LAIR2: variants seen among roughly 807,000 people sequenced by gnomAD.
LAIR2 encodes the protein leukocyte-associated immunoglobulin-like receptor 2.
LAIR2 carries 14 observed loss-of-function variants against 14.8 expected under a neutral mutation model. The observed-to-expected ratio is 0.95, with a 90% CI of 0.62 to 1.48. LAIR2 has a LOEUF of 1.48. LAIR2 is among the 40% of genes most tolerant of loss of function. The probability of loss-of-function intolerance (pLI) is 0.00; values close to 1 mark genes in which losing one functional copy is unlikely to be tolerated. For synonymous variants in LAIR2, 75 were observed against 74.5 expected (o/e 1.01, Z -0.03); for missense variants, 172 against 180.9 (o/e 0.95, Z 0.28).
intron 3 of LAIR2, among the ~76,000 whole-genome samples, chr19:54,508,669 C>T (rs1406747793): frequency 6.6e-6 from 1 of 152,268 alleles, no homozygotes; most frequent in Non-Finnish European, 1.5e-5. Flanking sequence ...CGGGACAGTG[C>T]TTTGGGAAAA....
chr19:54,508,252 T>A (rs138578698), intron 3 of LAIR2, 68 bp downstream of exon 3: 1,465,989 of 1,508,332 alleles, frequency 0.97, 712,670 homozygotes, highest in East Asian at 1. Context: ...AGGTCCCTGG[T>A]CCCTGTCCCG....
intron 2 of LAIR2, among the ~76,000 whole-genome samples, chr19:54,504,455 A>T (rs895676656): frequency 1.3e-5 from 2 of 152,194 alleles, no homozygotes; most frequent in Admixed American, 6.5e-5. Context: ...AGTTATTATT[A>T]ACTATAGTCA....
Position 54,504,413 on chromosome 19 carries a change from A to AC in LAIR2, c.70+680dup, listed in dbSNP as rs1171875986. Among the ~76,000 whole-genome samples, 8 of 152,234 alleles carry AC rather than the reference A, an allele frequency of 5.3e-5. No homozygotes were observed. The East Asian group carries it at 1.5e-3, about 29-fold the overall frequency. On this transcript the variant is annotated intron_variant, in intron 2 of 4. Coordinates refer to ENST00000301202, the MANE Select transcript of LAIR2 (RefSeq NM_002288.6). The stretch of plus-strand genomic sequence containing the variant: ...ACTTATTGTGATGAGAACATTTAAA[A>AC]CCTACTTTTAGCAATTTTGAAATAT...
rs529009430 is a variant in LAIR2, at chr19:54,508,329, T to C, written c.364+145T>C. On this transcript the variant is annotated intron_variant, in intron 3 of 4. Coordinates refer to ENST00000301202, the MANE Select transcript of LAIR2 (RefSeq NM_002288.6). ...ACCCCAAGCCCTCCCCTCCCCTTCT[T>C]CCTCTGCACACACCTCCCCTCTGCC... 177 of 699,702 alleles carry C rather than the reference T, an allele frequency of 2.5e-4. 1 individual carries two copies. In the African/African-American group the frequency reaches 2.9e-3, roughly 11 times the overall value. 43.3% of individuals were successfully genotyped at this position (699,702 alleles called of 1,614,324 possible).
In LAIR2 at chr19:54,502,966, G is replaced by A. The variant is rs746500908; in HGVS notation, c.34+14G>A. On this transcript the variant is annotated intron_variant, in intron 1 of 4. Transcript: ENST00000301202. ...TCCTGGGCCTAGGTGAGTCCTGGAG[G>A]GAGCGGGAAGGACTGGAAAGGGGGT... 1.0e-5 allele frequency: 16 copies of A among 1,607,712 alleles called. No homozygotes were observed. Among genetic ancestry groups the A allele is most frequent in the Non-Finnish European group, 1.4e-5 (16 of 1,176,536 alleles).
intron 1 of LAIR2, among the ~76,000 whole-genome samples, chr19:54,503,433 G>C (rs919634665): frequency 1.4e-5 from 2 of 146,556 alleles, no homozygotes; most frequent in African/African-American, 5.1e-5. Context: ...ACTCTAGCGT[G>C]GGCGACAAGA....
chr19:54,505,464 G>A (rs11084346), intron 2 of LAIR2, among the ~76,000 whole-genome samples: 31,295 of 151,524 alleles, frequency 0.21, 3,260 homozygotes, highest in East Asian at 0.29. Context: ...GTGGCTCCCC[G>A]AGGCCGGCCT....
At chr19:54,504,365 A>G (rs1196822929) in intron 2 of LAIR2, among the ~76,000 whole-genome samples, 2 of 152,208 alleles carry the variant, frequency 1.3e-5, no homozygotes, top group African/African-American at 4.8e-5. Flanking sequence ...ATAAGGCTAA[A>G]TAACATATCA....
intron 2 of LAIR2, among the ~76,000 whole-genome samples, chr19:54,505,004 T>G (rs945804224): frequency 6.6e-6 from 1 of 152,244 alleles, no homozygotes; most frequent in Non-Finnish European, 1.5e-5. Flanking sequence ...TCCATGCTGT[T>G]GTGAATGACA....
intron 2 of LAIR2, among the ~76,000 whole-genome samples, chr19:54,505,821 A>ATT (rs11311344): frequency 1.0e-3 from 135 of 134,946 alleles, no homozygotes; most frequent in Admixed American, 1.7e-3. Context: ...TCACATGCTG[A>ATT]TTTTTTTTTT....
intron 2 of LAIR2, among the ~76,000 whole-genome samples, chr19:54,506,906 G>A (rs1235388899): frequency 3.3e-5 from 5 of 152,142 alleles, no homozygotes; most frequent in East Asian, 1.9e-4. Context: ...CTTGAAAATC[G>A]CTAAGAGGGC....
chr19:54,510,684 G>T lies in LAIR2; in HGVS notation c.*115G>T. ...ATATACAAATAAAAAGATACGATTCGCAATGGAGAATTTCAGACCTATCAT... is the reference window on the plus strand; with the variant it reads ...ATATACAAATAAAAAGATACGATTCTCAATGGAGAATTTCAGACCTATCAT... On this transcript the variant is annotated 3_prime_UTR_variant, in exon 5 of 5. Coordinates refer to ENST00000301202, the MANE Select transcript of LAIR2 (RefSeq NM_002288.6). 1.6e-6 allele frequency: 2 copies of T among 1,231,802 alleles called. No homozygotes were observed. Among genetic ancestry groups the T allele is most frequent in the Non-Finnish European group, 2.4e-6 (2 of 844,320 alleles). The allele number at this position is 1,231,802 out of a possible 1,614,324, so 76.3% of individuals were successfully genotyped here.
chr19:54,507,235 C>G (rs376876793), intron 2 of LAIR2, among the ~76,000 whole-genome samples: 6,407 of 134,054 alleles, frequency 0.048, 216 homozygotes, highest in African/African-American at 0.073. Flanking sequence ...GCCTTAATAA[C>G]AAGGAAATGC....
chr19:54,505,806 T>C (rs1220272134), intron 2 of LAIR2, among the ~76,000 whole-genome samples: 2 of 151,464 alleles, frequency 1.3e-5, no homozygotes, highest in African/African-American at 4.9e-5. Context: ...ACATGGTGGT[T>C]CTTCTCACAT....
intron 4 of LAIR2, among the ~76,000 whole-genome samples, chr19:54,510,074 C>A (rs1011363356): frequency 6.9e-6 from 1 of 145,634 alleles, no homozygotes; most frequent in African/African-American, 2.6e-5. Flanking sequence ...TCAGAGGCTC[C>A]TGGGCTGCTG....
intron 4 of LAIR2, 43 bp from the exon 5 acceptor site, chr19:54,510,483 G>A (rs1308519695): frequency 1.3e-6 from 2 of 1,555,152 alleles, no homozygotes; most frequent in East Asian, 2.2e-5. Context: ...CCCCAAAGGA[G>A]GGATGCTCCT....
At position 54,508,260 on chromosome 19, in the gene LAIR2, C is replaced by T. The variant is rs575524807; in HGVS notation, c.364+76C>T. The T allele has an allele frequency of 2.6e-4, 368 of 1,430,476 alleles. No homozygotes were observed. The African/African-American group carries it at 4.7e-3, about 18-fold the overall frequency. 88.6% of individuals were successfully genotyped at this position (1,430,476 alleles called of 1,614,324 possible). A position where few individuals can be genotyped will look rare whatever the true frequency, so the allele number is the denominator to read the frequency against. On this transcript the variant is annotated intron_variant, in intron 3 of 4. Coordinates refer to ENST00000301202, the MANE Select transcript of LAIR2 (RefSeq NM_002288.6). The stretch of plus-strand genomic sequence containing the variant: ...TGTCCCGAGGTCCCTGGTCCCTGTC[C>T]CGGCTGCTGTCCTCTCTCTGTGGCC...
At chr19:54,506,571 C>T (rs563411863) in intron 2 of LAIR2, among the ~76,000 whole-genome samples, 1 of 151,980 alleles carries the variant, frequency 6.6e-6, no homozygotes, top group Non-Finnish European at 1.5e-5. Flanking sequence ...GATCCCTGCA[C>T]ACTTACCCAC....
In LAIR2 at chr19:54,507,909, C is replaced by G; in HGVS notation, c.89C>G (p.Ser30Cys). The stretch of plus-strand genomic sequence containing the variant: ...CTCTTAGGGGCCCTTCCCAGACCCT[C>G]CATCTCGGCTGAGCCAGGCACTGTG... Reference protein sequence around the residue: ...HTQEGALPRPSISAEPGTVIS... With the variant: ...HTQEGALPRPCISAEPGTVIS... Residue 30 changes from serine (S) to cysteine (C), a missense_variant, in exon 3 of 5, where the codon TCC becomes TGC. Physicochemically the swap from Ser to Cys is moderately radical, Grantham distance 112. Coordinates refer to ENST00000301202, the MANE Select transcript of LAIR2 (RefSeq NM_002288.6). 1.9e-6 allele frequency: 3 copies of G among 1,614,124 alleles called. No homozygotes were observed. The highest frequency in any genetic ancestry group is 1.1e-5 in the South Asian group (1 of 91,076).
Sources: allele counts gnomAD v4.1 joint callset (sites outside exome capture counted in the v4.1 genomes callset), GRCh38; gene constraint gnomAD v4.1.1; transcripts MANE v1.5; gene names NCBI Gene and HGNC (gene_info 2026-07-23, HGNC 2026-07-21).